Variants in INTS2 observed in about 807,000 individuals in gnomAD.
INTS2 encodes the protein integrator complex subunit 2, also known as KIAA1287.
In INTS2, 57 loss-of-function variants were observed where a neutral mutation model predicts 139.6. The ratio of observed to expected loss-of-function variants is 0.41; its 90% confidence interval spans 0.33 to 0.51. INTS2 has a LOEUF of 0.51. Ranked by LOEUF, INTS2 falls within the 20% of genes least tolerant of loss-of-function variation. INTS2 has a pLI of 0.28. For synonymous variants in INTS2, 473 were observed against 493.4 expected (o/e 0.96, Z 0.55); for missense variants, 1,196 against 1,436.7 (o/e 0.83, Z 2.71).
chr17:61,904,525 C>G lies in INTS2; in HGVS notation c.1242G>C (p.Thr414=). Residue 414 remains threonine, a synonymous_variant, in exon 9 of 25, where the codon ACG becomes ACC. Transcript: ENST00000251334. ...GTGAAACAAAGCGAACCCCAGCTGG[C>G]GTAGCAGGAGGACGGCTCGTCATCA... ...LQLMTSRPPA[T]PAGVRFVSLS... The G allele has an allele frequency of 1.2e-6, 2 of 1,611,942 alleles. No individual in the cohort carries two copies. Among genetic ancestry groups the G allele is most frequent in the Non-Finnish European group, 1.7e-6 (2 of 1,178,586 alleles).
chr17:61,877,790 G>T, intron 18 of INTS2, 97 bp downstream of exon 18: 1 of 839,136 alleles, frequency 1.2e-6, no homozygotes, highest in Non-Finnish European at 1.9e-6. Flanking sequence ...ATACTGCTAT[G>T]AGTGGTGAAA....
At chr17:61,905,699 GT>G (rs1387284004) in intron 8 of INTS2, among the ~76,000 whole-genome samples, 1 of 151,592 alleles carries the variant, frequency 6.6e-6, no homozygotes, top group African/African-American at 2.4e-5. Flanking sequence ...TTTTTTTTAT[GT>G]TTTTTGTTTT....
intron 15 of INTS2, among the ~76,000 whole-genome samples, chr17:61,885,792 G>A (rs1282529729): frequency 4.9e-5 from 7 of 142,074 alleles, no homozygotes; most frequent in African/African-American, 1.1e-4. Context: ...GCAGTGGCGC[G>A]ATCTTGGCTC....
At chr17:61,878,514 A>G (rs982334080) in intron 17 of INTS2, among the ~76,000 whole-genome samples, 1 of 152,182 alleles carries the variant, frequency 6.6e-6, no homozygotes, top group Non-Finnish European at 1.5e-5. Context: ...CAGGGAGCTG[A>G]GATTGCACCA....
intron 5 of INTS2, among the ~76,000 whole-genome samples, chr17:61,914,330 GC>G (rs2079555651): frequency 6.6e-6 from 1 of 152,122 alleles, no homozygotes; most frequent in South Asian, 2.1e-4. Context: ...ATTGAGGCAA[GC>G]GGACCACTTT....
intron 12 of INTS2, among the ~76,000 whole-genome samples, chr17:61,894,908 A>T (rs908582096): frequency 6.6e-6 from 1 of 152,188 alleles, no homozygotes; most frequent in African/African-American, 2.4e-5. Flanking sequence ...GCTAAAGAAG[A>T]ACATGTTAAG....
chr17:61,900,885 G>A (rs912890467), intron 9 of INTS2, among the ~76,000 whole-genome samples: 1 of 150,064 alleles, frequency 6.7e-6, no homozygotes, highest in Non-Finnish European at 1.5e-5. Flanking sequence ...TTGAACCCGG[G>A]AGGCAGAGGT....
Position 61,926,462 on chromosome 17 carries a change from T to C in INTS2, c.183A>G (p.Lys61=), listed in dbSNP as rs199748912. 2 of 1,613,864 alleles carry C rather than the reference T, an allele frequency of 1.2e-6. No homozygotes were observed. The highest frequency in any genetic ancestry group is 1.1e-5 in the South Asian group (1 of 91,078). ...DQSQSWAQDK[K]LILRLLSGVE... ...CTCCAGAAAGAAGGCGAAGGATGAG[T>C]TTCTTATCCTGAGCCCAGCTTTGGC... is the stretch of plus-strand genomic sequence containing the variant. Residue 61 remains lysine (K), a synonymous_variant, in exon 2 of 25, where the codon AAA becomes AAG. Coordinates refer to ENST00000251334, the MANE Select transcript of INTS2 (RefSeq NM_001351695.2).
chr17:61,889,070 A>C (rs1603376056), intron 15 of INTS2, among the ~76,000 whole-genome samples: 1 of 149,262 alleles, frequency 6.7e-6, no homozygotes, highest in Non-Finnish European at 1.5e-5. Context: ...AAAACAAAAC[A>C]AAAAAAAAGA....
rs1344307141 is a variant in INTS2, at chr17:61,872,402, T to C, written c.2641A>G (p.Lys881Glu). ...HMLNGYLLAS[K>E]AYLSAHLKET... is the part of the protein sequence containing the mutation. Reference sequence around the variant, plus strand: ...TTCAGATGAGCACTAAGGTAGGCTTTAGATGCAAGAAGATATCCATTCAAC... The same window carrying C: ...TTCAGATGAGCACTAAGGTAGGCTTCAGATGCAAGAAGATATCCATTCAAC... The change falls in exon 20 of 25, where the codon AAA (lysine) becomes GAA (glutamate). Residue 881 changes from lysine to glutamate, a missense_variant. This residue lies in a region of INTS2 where 1,129 missense variants were observed against 1,341.9 expected (regional missense o/e 0.84). Transcript: ENST00000251334. This position sits in a 1 kb window ranked among gnomAD's most constrained non-coding sequence, Gnocchi z 4.8. 6.8e-6 allele frequency: 11 copies of C among 1,611,432 alleles called. No homozygotes were observed. The highest frequency in any genetic ancestry group is 9.3e-6 in the Non-Finnish European group (11 of 1,178,014).
chr17:61,871,814 G>A lies in INTS2; in HGVS notation c.2778+451C>T, dbSNP rs573776850. On this transcript the variant is annotated intron_variant, in intron 20 of 24. Coordinates refer to ENST00000251334, the MANE Select transcript of INTS2 (RefSeq NM_001351695.2). The surrounding 1 kb of genome is among the most constrained non-coding windows in gnomAD (Gnocchi z 4.9). ...CCAGGTGTGGTGGCATGTGCCTGTA[G>A]TCCCAGCTACTCAGGAGGCTGAGGC... 3.0e-4 allele frequency among the ~76,000 whole-genome samples: 46 copies of A among 152,082 alleles called. No homozygotes were observed. Among genetic ancestry groups the A allele is most frequent in the African/African-American group, 1.1e-3 (46 of 41,528 alleles).
intron 16 of INTS2, among the ~76,000 whole-genome samples, chr17:61,883,552 A>G (rs902600650): frequency 3.3e-4 from 50 of 152,010 alleles, no homozygotes; most frequent in Non-Finnish European, 1.5e-5. Flanking sequence ...TCAGTTCAAG[A>G]CCAGCCTGGC....
rs910841845 is a variant in INTS2, at chr17:61,873,637, C to T, written c.2583-1177G>A. 2.0e-5 allele frequency among the ~76,000 whole-genome samples: 3 copies of T among 152,140 alleles called. No individual in the cohort carries two copies. The highest frequency in any genetic ancestry group is 1.3e-4 in the Admixed American group (2 of 15,268). On this transcript the variant is annotated intron_variant, in intron 19 of 24. Transcript: ENST00000251334. The surrounding 1 kb of genome is among the most constrained non-coding windows in gnomAD (Gnocchi z 4.0). ...TTAGATACTTAACATCATTTACATACACAGTTTGTTCTGATTCCTATTTCC... is the reference window on the plus strand; with the variant it reads ...TTAGATACTTAACATCATTTACATATACAGTTTGTTCTGATTCCTATTTCC...
At chr17:61,915,068 G>A (rs2079566006) in intron 5 of INTS2, among the ~76,000 whole-genome samples, 1 of 151,922 alleles carries the variant, frequency 6.6e-6, no homozygotes, top group South Asian at 2.1e-4. Context: ...GCCGGGCGCG[G>A]TGGCTCACGC....
rs937732670 is a variant in INTS2, at chr17:61,882,379, T to C, written c.2090-1208A>G. On this transcript the variant is annotated intron_variant, in intron 16 of 24. Coordinates refer to ENST00000251334, the MANE Select transcript of INTS2 (RefSeq NM_001351695.2). The surrounding 1 kb of genome is among the most constrained non-coding windows in gnomAD (Gnocchi z 4.7). Reference sequence around the variant, plus strand: ...AACTTGTTACCAAATCAAAGCCTTATTTATAACATTTTACCTATACCACAG... The same window carrying C: ...AACTTGTTACCAAATCAAAGCCTTACTTATAACATTTTACCTATACCACAG... Among the ~76,000 whole-genome samples the C allele has an allele frequency of 6.6e-6, 1 of 152,210 alleles. No individual in the cohort carries two copies. The highest frequency in any genetic ancestry group is 2.4e-5 in the African/African-American group (1 of 41,458).
chr17:61,892,195 G>A (rs1187236124), intron 13 of INTS2, among the ~76,000 whole-genome samples: 1 of 152,082 alleles, frequency 6.6e-6, no homozygotes, highest in South Asian at 2.1e-4. Flanking sequence ...TATTTTACTT[G>A]CTAAAAATAT....
rs2079342465 is a variant in INTS2, at chr17:61,895,865, T to C, written c.1495-482A>G. On this transcript the variant is annotated intron_variant, in intron 11 of 24. Transcript: ENST00000251334. Reference sequence around the variant, plus strand: ...AAAACATGAAACCACCAAAAAAAACTAGAAGAAAATATAAGTGACCACTTA... The same window carrying C: ...AAAACATGAAACCACCAAAAAAAACCAGAAGAAAATATAAGTGACCACTTA... Among the ~76,000 whole-genome samples, 5 of 151,632 alleles carry C rather than the reference T, an allele frequency of 3.3e-5. No individual in the cohort carries two copies. In the South Asian group the frequency reaches 1.0e-3, roughly 32 times the overall value.
Position 61,926,332 on chromosome 17 carries a change from A to G in INTS2, c.293+20T>C, listed in dbSNP as rs760083483. 5.8e-6 allele frequency: 9 copies of G among 1,539,326 alleles called. No homozygotes were observed. The highest frequency in any genetic ancestry group is 2.0e-5 in the Admixed American group (1 of 50,270). ...TTCTTTGTCAAATCCAAATCCACAT[A>G]TAATATAACATAACATTACCTAAGC... On this transcript the variant is annotated intron_variant, in intron 2 of 24. Transcript: ENST00000251334.
rs537785853 is a variant in INTS2 at position 61,883,891 on chromosome 17, C to G, written c.2089+1010G>C. On this transcript the variant is annotated intron_variant, in intron 16 of 24. Coordinates refer to ENST00000251334, the MANE Select transcript of INTS2 (RefSeq NM_001351695.2). Reference sequence around the variant, plus strand: ...GGGCGTGGTGGCATAGGCCTGTAGTCCCCGCTACTAGAGAGACTGAGGTAG... The same window carrying G: ...GGGCGTGGTGGCATAGGCCTGTAGTGCCCGCTACTAGAGAGACTGAGGTAG... Among the ~76,000 whole-genome samples, 10 of 151,636 alleles carry G rather than the reference C, an allele frequency of 6.6e-5. No individual in the cohort carries two copies. In the South Asian group the frequency reaches 1.0e-3, roughly 16 times the overall value.
Sources: allele counts gnomAD v4.1 joint callset (sites outside exome capture counted in the v4.1 genomes callset), GRCh38; gene constraint gnomAD v4.1.1; regional missense constraint gnomAD v4.1.1; non-coding constraint Gnocchi (gnomAD v3.1); transcripts MANE v1.5; gene names NCBI Gene and HGNC (gene_info 2026-07-23, HGNC 2026-07-21).